SNAP91: variants seen among roughly 807,000 people sequenced by gnomAD.
SNAP91 encodes clathrin coat assembly protein AP180.
A neutral mutation model predicts 100.3 loss-of-function variants in SNAP91; 27 were observed. The observed-to-expected ratio is 0.27, with a 90% CI of 0.20 to 0.37. SNAP91 has a LOEUF of 0.37. Ranked by LOEUF, SNAP91 falls within the 10% of genes least tolerant of loss-of-function variation. SNAP91 has a pLI of 1.00. For synonymous variants in SNAP91, 404 were observed against 398.6 expected, an observed-to-expected ratio of 1.01 and a Z score of -0.16; for missense variants, 986 against 1,123.7, an observed-to-expected ratio of 0.88 and a Z score of 1.75.
chr6:83,620,992 C>T (rs755800497), intron 9 of SNAP91, among the ~76,000 whole-genome samples: 1 of 152,078 alleles, frequency 6.6e-6, no homozygotes, highest in Admixed American at 6.5e-5. Context: ...CGTGAGCCAC[C>T]GCGCCCAGCC....
intron 5 of SNAP91, among the ~76,000 whole-genome samples, chr6:83,659,760 T>G (rs946858967): frequency 3.3e-5 from 5 of 152,112 alleles, no homozygotes; most frequent in Non-Finnish European, 7.3e-5. Context: ...AAAGCCAGTT[T>G]TTTTTTCTTT....
chr6:83,692,755 CAA>C (rs1409499760), intron 2 of SNAP91, among the ~76,000 whole-genome samples: 2 of 152,110 alleles, frequency 1.3e-5, no homozygotes, highest in South Asian at 2.1e-4. Flanking sequence ...AGCAAATCAT[CAA>C]AAGACATAAC....
intron 25 of SNAP91, 50 bp from the exon 26 acceptor site, chr6:83,575,171 GA>G (rs1451170243): frequency 5.5e-6 from 7 of 1,269,100 alleles, no homozygotes; most frequent in Non-Finnish European, 4.5e-6. Context: ...TCACAAATCA[GA>G]AAAAAATGGT....
chr6:83,569,140 C>G (rs748010150), intron 26 of SNAP91, among the ~76,000 whole-genome samples: 1 of 152,032 alleles, frequency 6.6e-6, no homozygotes, highest in Non-Finnish European at 1.5e-5. Context: ...GATAAAATAA[C>G]TATGCATAAG....
intron 16 of SNAP91, among the ~76,000 whole-genome samples, chr6:83,598,130 T>A (rs2094697827): frequency 6.6e-6 from 1 of 152,224 alleles, no homozygotes; most frequent in Non-Finnish European, 1.5e-5. Flanking sequence ...CAAATCAATG[T>A]GCTATTGTCA....
At chr6:83,675,810 C>A (rs1409433775) in intron 2 of SNAP91, among the ~76,000 whole-genome samples, 1 of 102,748 alleles carries the variant, frequency 9.7e-6, no homozygotes, top group Non-Finnish European at 2.1e-5. Flanking sequence ...TAGCACAGAG[C>A]CTGATACACT....
At chr6:83,586,499 C>A (rs1253026246) in intron 22 of SNAP91, among the ~76,000 whole-genome samples, 3 of 152,124 alleles carry the variant, frequency 2.0e-5, no homozygotes, top group African/African-American at 7.2e-5. Context: ...CTGCTCGATG[C>A]CAACCTCAGA....
At position 83,634,436 on chromosome 6, in the gene SNAP91, G is replaced by C. The variant is rs74391282; in HGVS notation, c.765+6660C>G. Among the ~76,000 whole-genome samples, 640 of 152,268 alleles carry C rather than the reference G, an allele frequency of 4.2e-3. 31 individuals are homozygous for C. The East Asian group carries it at 0.087, about 21-fold the overall frequency. Reference sequence around the variant, plus strand: ...ACAGTTTGGGCACTCATAGTATTTGGGGTGTCTTCTGGGTCTGGTAGGAGC... The same window carrying C: ...ACAGTTTGGGCACTCATAGTATTTGCGGTGTCTTCTGGGTCTGGTAGGAGC... On this transcript the variant is annotated intron_variant, in intron 8 of 29. Transcript: ENST00000369694.
intron 22 of SNAP91, among the ~76,000 whole-genome samples, chr6:83,587,790 G>C (rs961112548): frequency 3.9e-5 from 6 of 152,014 alleles, no homozygotes; most frequent in African/African-American, 1.2e-4. Context: ...TTTTGGCTAG[G>C]AAAGTTGCTC....
At chr6:83,610,570 G>T in intron 12 of SNAP91, 80 bp downstream of exon 12, 1 of 477,470 alleles carries the variant, frequency 2.1e-6, no homozygotes, top group Non-Finnish European at 3.8e-6. Flanking sequence ...GGTATATAAT[G>T]CCACTGAACT....
At chr6:83,682,415 C>T (rs1743768816) in intron 2 of SNAP91, among the ~76,000 whole-genome samples, 1 of 151,868 alleles carries the variant, frequency 6.6e-6, no homozygotes, top group African/African-American at 2.4e-5. Context: ...CCATGTTGCC[C>T]AAGCTGGTCT....
chr6:83,593,390 A>C, intron 18 of SNAP91, 88 bp downstream of exon 18: 1 of 1,519,916 alleles, frequency 6.6e-7, no homozygotes, highest in Non-Finnish European at 8.9e-7. Flanking sequence ...AGAACCATTT[A>C]ATTACACAGT....
At chr6:83,576,814 G>T (rs1425369933) in intron 24 of SNAP91, among the ~76,000 whole-genome samples, 1 of 152,016 alleles carries the variant, frequency 6.6e-6, no homozygotes. Context: ...TGACATAGTC[G>T]GCTTAATCAA....
chr6:83,571,731 AG>A (rs1417087235), intron 26 of SNAP91, among the ~76,000 whole-genome samples: 1 of 152,204 alleles, frequency 6.6e-6, no homozygotes, highest in Non-Finnish European at 1.5e-5. Context: ...ACTGTTGGGA[AG>A]GCATGACTGG....
intron 2 of SNAP91, among the ~76,000 whole-genome samples, chr6:83,698,339 A>AG (rs1363128277): frequency 1.2e-3 from 182 of 151,818 alleles, no homozygotes; most frequent in Admixed American, 6.6e-4. Flanking sequence ...AAAAAAAAAA[A>AG]AAAGAAAGAA....
intron 29 of SNAP91, 68 bp from the exon 30 acceptor site, chr6:83,554,353 C>T (rs1774410535): frequency 5.1e-6 from 1 of 194,444 alleles, no homozygotes; most frequent in South Asian, 7.2e-5. Flanking sequence ...ATTTTACCTC[C>T]CTTGCAATTT....
At chr6:83,597,330 G>A (rs914617429) in intron 16 of SNAP91, among the ~76,000 whole-genome samples, 26 of 152,302 alleles carry the variant, frequency 1.7e-4, no homozygotes, top group African/African-American at 6.3e-4. Flanking sequence ...AGAACTGTGA[G>A]AGATAAAATT....
chr6:83,593,646 G>T lies in SNAP91; in HGVS notation c.1528C>A (p.Pro510Thr), dbSNP rs1174973601. The T allele has an allele frequency of 2.5e-6, 4 of 1,613,544 alleles. No homozygotes were observed. Among genetic ancestry groups the T allele is most frequent in the South Asian group, 1.1e-5 (1 of 91,006 alleles). Residue 510 changes from proline (P) to threonine (T), a missense_variant, in exon 18 of 30, where the codon CCT becomes ACT. Physicochemically the swap from Pro to Thr is conservative, Grantham distance 38. This residue lies in a region of SNAP91 where 575 missense variants were observed against 579.9 expected (regional missense o/e 0.99). Transcript: ENST00000369694. ...PPETSVPVVT[P>T]TASTAPPVPA... is the part of the protein sequence containing the mutation. ...ACTGGAGGGGCTGTGCTAGCTGTAG[G>T]GGTAACTACAGGAACACTGGTCTCA...
At chr6:83,593,762 GAC>G (rs762469451) in intron 17 of SNAP91, 21 bp from the exon 18 acceptor site, 3 of 1,540,752 alleles carry the variant, frequency 1.9e-6, no homozygotes, top group East Asian at 2.3e-5. Context: ...GGAAAGTGGA[GAC>G]ACACACAGCA....
Sources: allele counts gnomAD v4.1 joint callset (sites outside exome capture counted in the v4.1 genomes callset), GRCh38; gene constraint gnomAD v4.1.1; regional missense constraint gnomAD v4.1.1; transcripts MANE v1.5; gene names NCBI Gene and HGNC (gene_info 2026-07-23, HGNC 2026-07-21).